Variants in SGCZ observed in about 807,000 individuals in gnomAD.
SGCZ encodes zeta-sarcoglycan.
Under a neutral mutation model 41.3 loss-of-function variants are expected in SGCZ, and 40 were observed. That is an observed-to-expected ratio of 0.97 (90% CI 0.75 to 1.26). The LOEUF (loss-of-function observed/expected upper bound fraction) is 1.26. Among genes scored for constraint, SGCZ ranks in the 50% most tolerant of loss-of-function variants. The pLI is 0.00. For synonymous variants in SGCZ, 206 were observed against 137.5 expected (o/e 1.50, Z -3.49); for missense variants, 552 against 369.8 (o/e 1.49, Z -4.04).
chr8:15,222,196 G>A (rs1287026593), intron 1 of SGCZ, among the ~76,000 whole-genome samples: 1 of 152,088 alleles, frequency 6.6e-6, no homozygotes, highest in African/African-American at 2.4e-5. Flanking sequence ...TAAATAAAAA[G>A]TATTTGCCTT....
chr8:14,851,272 G>C (rs866102679), intron 1 of SGCZ, among the ~76,000 whole-genome samples: 2 of 149,454 alleles, frequency 1.3e-5, no homozygotes, highest in African/African-American at 5.0e-5. Flanking sequence ...GGGAGGCTGA[G>C]GTAGGAGAAT....
chr8:15,214,972 G>A lies in SGCZ; in HGVS notation c.39+22613C>T, dbSNP rs544208651. Among the ~76,000 whole-genome samples, 9 of 152,236 alleles carry A rather than the reference G, an allele frequency of 5.9e-5. 1 individual carries two copies. The South Asian group carries it at 1.9e-3, about 32-fold the overall frequency. Reference sequence around the variant, plus strand: ...GAGGATACTATGTATAACACACAATGTTAAGGTTGATATTCTTCCCACACA... The same window carrying A: ...GAGGATACTATGTATAACACACAATATTAAGGTTGATATTCTTCCCACACA... On this transcript the variant is annotated intron_variant, in intron 1 of 7. Transcript: ENST00000382080.
At chr8:14,227,888 G>A (rs34586769) in intron 4 of SGCZ, among the ~76,000 whole-genome samples, 43,181 of 151,810 alleles carry the variant, frequency 0.28, 7,059 homozygotes, top group Non-Finnish European at 0.38. Context: ...GGACAAAAAC[G>A]TAACTGTAGT....
At chr8:14,782,681 T>TTATTAATAAAAATCTGCTAATAATA (rs745738881) in intron 1 of SGCZ, among the ~76,000 whole-genome samples, 7,612 of 152,124 alleles carry the variant, frequency 0.05, 266 homozygotes, top group Non-Finnish European at 0.076. Flanking sequence ...GAGATGGTTA[T>TTATTAATAAAAATCTGCTAATAATA]AGAAAAAAAA....
chr8:14,519,232 G>C (rs1802716013), intron 2 of SGCZ, among the ~76,000 whole-genome samples: 1 of 152,060 alleles, frequency 6.6e-6, no homozygotes, highest in Non-Finnish European at 1.5e-5. Flanking sequence ...TCTGGAAGCT[G>C]TTTTCTTAAA....
chr8:14,091,285 C>T (rs796107113), intron 7 of SGCZ, among the ~76,000 whole-genome samples: 12 of 151,554 alleles, frequency 7.9e-5, no homozygotes, highest in African/African-American at 2.2e-4. Context: ...TGAAGAGTGC[C>T]GCAATAAACT....
At chr8:14,874,534 T>A (rs1804277087) in intron 1 of SGCZ, among the ~76,000 whole-genome samples, 1 of 152,154 alleles carries the variant, frequency 6.6e-6, no homozygotes, top group Admixed American at 6.6e-5. Flanking sequence ...TAAATTTAAC[T>A]TAATATGATT....
chr8:15,048,111 A>T (rs1190102428), intron 1 of SGCZ, among the ~76,000 whole-genome samples: 1 of 152,110 alleles, frequency 6.6e-6, no homozygotes, highest in Non-Finnish European at 1.5e-5. Context: ...ATGAATGAAG[A>T]AAATGTGGCA....
At chr8:14,881,288 C>G (rs1804576381) in intron 1 of SGCZ, among the ~76,000 whole-genome samples, 1 of 151,752 alleles carries the variant, frequency 6.6e-6, no homozygotes, top group Non-Finnish European at 1.5e-5. Context: ...GTGCATACAC[C>G]CTATTTTATT....
chr8:14,702,836 G>GATAGATAC (rs1809197414), intron 1 of SGCZ, among the ~76,000 whole-genome samples: 1 of 55,986 alleles, frequency 1.8e-5, no homozygotes, highest in African/African-American at 4.0e-5. Flanking sequence ...TAGATAGATA[G>GATAGATAC]ATAGATAGAT....
At chr8:14,961,201 T>A (rs573754616) in intron 1 of SGCZ, among the ~76,000 whole-genome samples, 1 of 152,200 alleles carries the variant, frequency 6.6e-6, no homozygotes, top group East Asian at 1.9e-4. Flanking sequence ...CCCAGCTCCA[T>A]CATTTTCTTT....
At chr8:14,578,289 A>AT (rs1804779212) in intron 1 of SGCZ, among the ~76,000 whole-genome samples, 1 of 152,144 alleles carries the variant, frequency 6.6e-6, no homozygotes, top group African/African-American at 2.4e-5. Flanking sequence ...CCTAATCCAC[A>AT]TCTAGGCCTC....
intron 2 of SGCZ, among the ~76,000 whole-genome samples, chr8:14,365,169 AT>A (rs1263754801): frequency 8.6e-5 from 13 of 151,934 alleles, no homozygotes; most frequent in African/African-American, 3.1e-4. Context: ...TCCCTTTTTG[AT>A]TTTTTATTCA....
chr8:15,001,781 T>G, intron 1 of SGCZ, among the ~76,000 whole-genome samples: 1 of 149,462 alleles, frequency 6.7e-6, no homozygotes, highest in African/African-American at 2.5e-5. Flanking sequence ...GTAATAATGA[T>G]TAATATTTAT....
chr8:14,673,542 T>C (rs1808177921), intron 1 of SGCZ, among the ~76,000 whole-genome samples: 1 of 152,196 alleles, frequency 6.6e-6, no homozygotes, highest in East Asian at 1.9e-4. Context: ...GTAAGTTTCC[T>C]GAGGCCTCCC....
chr8:14,443,073 A>C (rs1008988806), intron 2 of SGCZ, among the ~76,000 whole-genome samples: 7 of 152,128 alleles, frequency 4.6e-5, no homozygotes, highest in Non-Finnish European at 7.4e-5. Flanking sequence ...GCTTCAAAGA[A>C]AATAAAATAC....
At chr8:15,113,115 G>C (rs764371801) in intron 1 of SGCZ, among the ~76,000 whole-genome samples, 1 of 151,554 alleles carries the variant, frequency 6.6e-6, no homozygotes, top group Non-Finnish European at 1.5e-5. Flanking sequence ...AGACTGAGGT[G>C]GGAGCAGCGC....
intron 1 of SGCZ, among the ~76,000 whole-genome samples, chr8:15,020,904 A>G (rs1803224479): frequency 6.6e-6 from 1 of 152,210 alleles, no homozygotes; most frequent in Admixed American, 6.5e-5. Flanking sequence ...TTAGAAATTC[A>G]GTTAAAAGTG....
At chr8:14,581,889 A>C (rs1278336780) in intron 1 of SGCZ, among the ~76,000 whole-genome samples, 1 of 152,182 alleles carries the variant, frequency 6.6e-6, no homozygotes, top group African/African-American at 2.4e-5. Context: ...TTTCAATTTC[A>C]TGGACACACT....
Sources: gnomAD v4.1 joint callset for allele counts (sites outside exome capture counted in the v4.1 genomes callset) on GRCh38, gnomAD v4.1.1 for gene constraint, MANE v1.5 for transcripts, NCBI Gene and HGNC (gene_info 2026-07-23, HGNC 2026-07-21) for gene names.